The following RIMBP2 variants were observed in gnomAD, a reference collection of about 807,000 sequenced individuals.
RIMBP2 encodes RIMS binding protein 2.
A neutral mutation model predicts 118.6 loss-of-function variants in RIMBP2; 48 were observed. The ratio of observed to expected loss-of-function variants is 0.40; its 90% confidence interval spans 0.32 to 0.51. The LOEUF (loss-of-function observed/expected upper bound fraction) is 0.51. Among genes scored for constraint, RIMBP2 ranks in the 20% least tolerant of loss-of-function variants. The pLI is 0.41. For missense variants in RIMBP2, 1,551 were observed against 1,768.3 expected, an observed-to-expected ratio of 0.88 and a Z score of 2.20; for synonymous variants, 762 against 742.9, an observed-to-expected ratio of 1.03 and a Z score of -0.42.
intron 2 of RIMBP2, among the ~76,000 whole-genome samples, chr12:130,619,024 C>A (rs1044249483): frequency 6.6e-6 from 1 of 152,332 alleles, no homozygotes; most frequent in African/African-American, 2.4e-5. Context: ...ATGTTAAACA[C>A]ACACACACAC....
At chr12:130,714,835 C>T (rs1027073618) in intron 1 of RIMBP2, among the ~76,000 whole-genome samples, 7 of 152,200 alleles carry the variant, frequency 4.6e-5, no homozygotes, top group African/African-American at 7.2e-5. Flanking sequence ...ACCCCACAGC[C>T]CAGCGGGGGA....
At chr12:130,605,861 C>T (rs1054300328) in intron 2 of RIMBP2, among the ~76,000 whole-genome samples, 1 of 152,038 alleles carries the variant, frequency 6.6e-6, no homozygotes, top group Non-Finnish European at 1.5e-5. Flanking sequence ...GTCAGGAGTT[C>T]GACACCAGCC....
chr12:130,610,262 G>T (rs1398691247), intron 2 of RIMBP2, among the ~76,000 whole-genome samples: 1 of 152,004 alleles, frequency 6.6e-6, no homozygotes, highest in African/African-American at 2.4e-5. Flanking sequence ...GGTCCCTCCC[G>T]TTCTGGGGCC....
chr12:130,485,972 C>T (rs1383278995), intron 4 of RIMBP2, among the ~76,000 whole-genome samples: 1 of 152,202 alleles, frequency 6.6e-6, no homozygotes, highest in Non-Finnish European at 1.5e-5. Context: ...TCAGTTTCAT[C>T]ACAGATGCCA....
intron 3 of RIMBP2, among the ~76,000 whole-genome samples, chr12:130,510,067 G>A (rs1040766052): frequency 2.0e-5 from 3 of 152,226 alleles, no homozygotes; most frequent in African/African-American, 7.2e-5. Flanking sequence ...CTAAGGGTCA[G>A]CATCCAGTGC....
At position 130,580,439 on chromosome 12, in the gene RIMBP2, G is replaced by A. The variant is rs114162616; in HGVS notation, c.-217+47883C>T. On this transcript the variant is annotated intron_variant, in intron 2 of 22. Coordinates refer to ENST00000690449, the MANE Select transcript of RIMBP2 (RefSeq NM_001393629.1). ...TCTTGGCTGCCGCCACGTAAGATGT[G>A]TCTTCCCTCCCCTTCACTTTCCACC... is the stretch of plus-strand genomic sequence containing the variant. 3.3e-3 allele frequency among the ~76,000 whole-genome samples: 496 copies of A among 152,276 alleles called. 5 individuals carry two copies. The highest frequency in any genetic ancestry group is 0.012 in the African/African-American group (478 of 41,556).
intron 2 of RIMBP2, among the ~76,000 whole-genome samples, chr12:130,583,342 T>C (rs2140214134): frequency 6.6e-6 from 1 of 152,204 alleles, no homozygotes; most frequent in South Asian, 2.1e-4. Context: ...TGGCACCTAA[T>C]AAACACTTTG....
chr12:130,458,952 G>A (rs908960803), intron 6 of RIMBP2, among the ~76,000 whole-genome samples: 1 of 151,292 alleles, frequency 6.6e-6, no homozygotes, highest in Non-Finnish European at 1.5e-5. Flanking sequence ...GCTGAGGCAG[G>A]AGAATCACTT....
chr12:130,632,730 C>G (rs756613729), intron 1 of RIMBP2, among the ~76,000 whole-genome samples: 6 of 152,172 alleles, frequency 3.9e-5, no homozygotes, highest in Non-Finnish European at 7.3e-5. Context: ...ATTATTAATT[C>G]AAAAGTGGTC....
intron 1 of RIMBP2, among the ~76,000 whole-genome samples, chr12:130,646,481 A>C (rs1424139080): frequency 6.6e-6 from 1 of 150,760 alleles, no homozygotes; most frequent in African/African-American, 2.4e-5. Context: ...CTCCCTCACT[A>C]CTGCAAAAGG....
rs374792630 is a variant in RIMBP2 at position 130,604,399 on chromosome 12, C to T, written c.-217+23923G>A. On this transcript the variant is annotated intron_variant, in intron 2 of 22. Coordinates refer to ENST00000690449, the MANE Select transcript of RIMBP2 (RefSeq NM_001393629.1). ...GAATCATGTTTTAGGCTACTCAGTG[C>T]GGCCCGAGTGTTCAGTGTCCATAAA... 3.4e-4 allele frequency among the ~76,000 whole-genome samples: 50 copies of T among 148,368 alleles called. 1 individual carries two copies. Among genetic ancestry groups the T allele is most frequent in the African/African-American group, 1.1e-3 (46 of 40,316 alleles).
At chr12:130,698,967 A>C (rs1247518788) in intron 1 of RIMBP2, among the ~76,000 whole-genome samples, 2 of 152,146 alleles carry the variant, frequency 1.3e-5, no homozygotes, top group African/African-American at 2.4e-5. Flanking sequence ...GCAGCCAAAA[A>C]ACACATGAAA....
At chr12:130,490,251 T>C (rs1037520907) in intron 4 of RIMBP2, among the ~76,000 whole-genome samples, 5 of 151,638 alleles carry the variant, frequency 3.3e-5, no homozygotes, top group African/African-American at 7.2e-5. Context: ...CTGTGACAAT[T>C]CTAAGTTAAA....
intron 22 of RIMBP2, chr12:130,398,045 A>G (rs893075415): frequency 6.8e-6 from 1 of 148,054 alleles, no homozygotes; most frequent in African/African-American, 2.5e-5. Flanking sequence ...TGGTTGAAAG[A>G]AAAAAAAAAA....
chr12:130,422,440 T>TGGG lies in RIMBP2; in HGVS notation c.3238+10_3238+12dup. On this transcript the variant is annotated intron_variant, in intron 17 of 22. Coordinates refer to ENST00000690449, the MANE Select transcript of RIMBP2 (RefSeq NM_001393629.1). This position sits in a 1 kb window ranked among gnomAD's most constrained non-coding sequence, Gnocchi z 5.2. ...CGGCTGAAAGACACAACAGCGATGA[T>TGGG]GGGGCCACTAACCGATGGATGGGAC... is the stretch of plus-strand genomic sequence containing the variant. 6.3e-7 allele frequency: 1 copy of TGGG among 1,576,740 alleles called. No individual in the cohort carries two copies.
chr12:130,661,646 C>CAATGACCCT (rs2063668947), intron 1 of RIMBP2, among the ~76,000 whole-genome samples: 1 of 152,174 alleles, frequency 6.6e-6, no homozygotes, highest in South Asian at 2.1e-4. Flanking sequence ...TAACTACACG[C>CAATGACCCT]AATGACCCTA....
chr12:130,493,124 A>G (rs10744462), intron 4 of RIMBP2, among the ~76,000 whole-genome samples: 150,184 of 152,104 alleles, frequency 0.99, 74,175 homozygotes, highest in East Asian at 1. Flanking sequence ...TGAGAGAGTG[A>G]GATCGTAGCT....
At chr12:130,618,281 C>G (rs544824083) in intron 2 of RIMBP2, among the ~76,000 whole-genome samples, 8 of 152,272 alleles carry the variant, frequency 5.3e-5, no homozygotes, top group African/African-American at 1.7e-4. Context: ...CCAGTCAACA[C>G]AAAAAGCTCT....
chr12:130,483,983 C>T (rs4320987), intron 4 of RIMBP2, among the ~76,000 whole-genome samples: 72,561 of 151,556 alleles, frequency 0.48, 18,344 homozygotes, highest in East Asian at 0.56. Context: ...CGAGGGCTTC[C>T]GCGGCTCCTG....
Sources: allele counts gnomAD v4.1 joint callset (sites outside exome capture counted in the v4.1 genomes callset), GRCh38; gene constraint gnomAD v4.1.1; non-coding constraint Gnocchi (gnomAD v3.1); transcripts MANE v1.5; gene names NCBI Gene and HGNC (gene_info 2026-07-23, HGNC 2026-07-21).